LYST: variants seen among roughly 807,000 people sequenced by gnomAD.
LYST encodes lysosomal-trafficking regulator.
Under a neutral mutation model 413.6 loss-of-function variants are expected in LYST, and 192 were observed. The ratio of observed to expected loss-of-function variants is 0.46; its 90% CI spans 0.41 to 0.52. The LOEUF (loss-of-function observed/expected upper bound fraction) is 0.52. Among genes scored for constraint, LYST ranks in the 20% least tolerant of loss-of-function variants. The pLI is 0.00. For missense variants in LYST, 3,815 were observed against 4,499.9 expected, an observed-to-expected ratio of 0.85 and a Z score of 4.35; for synonymous variants, 1,525 against 1,567.3, an observed-to-expected ratio of 0.97 and a Z score of 0.64.
chr1:235,741,029 C>T (rs1023538520), intron 31 of LYST, among the ~76,000 whole-genome samples: 9 of 151,900 alleles, frequency 5.9e-5, no homozygotes, highest in Non-Finnish European at 1.0e-4. Flanking sequence ...TTTAACTGAC[C>T]ACATATATTT....
chr1:235,677,619 G>T lies in LYST; in HGVS notation c.10801C>A (p.Pro3601Thr). 1 of 1,610,820 alleles carries T rather than the reference G, an allele frequency of 6.2e-7. No individual in the cohort carries two copies. The highest frequency in any genetic ancestry group is 8.5e-7 in the Non-Finnish European group (1 of 1,177,394). Residue 3601 changes from proline (P) to threonine (T), a missense_variant and splice_region_variant, in exon 49 of 53, where the codon CCA becomes ACA. Physicochemically the swap from Pro to Thr is conservative, Grantham distance 38. This residue lies in a region of LYST where 866 missense variants were observed against 1,156.0 expected (regional missense o/e 0.75). Transcript: ENST00000389793. The stretch of plus-strand genomic sequence containing the variant: ...TGAGTCTCCATTTCTATTTCTGATG[G>T]CTGAAATTTTAAAATTAAGTATGAG... ...AYTNRFTSST[P>T]SEIEMETQIH... is the part of the protein sequence containing the mutation.
At chr1:235,852,108 G>A (rs1678608653) in intron 1 of LYST, among the ~76,000 whole-genome samples, 1 of 152,146 alleles carries the variant, frequency 6.6e-6, no homozygotes, top group South Asian at 2.1e-4. Context: ...TAGAAGTCAA[G>A]ATGTCATGTA....
intron 7 of LYST, among the ~76,000 whole-genome samples, 181 bp downstream of exon 7, chr1:235,804,323 A>C (rs1672570809): frequency 6.6e-6 from 1 of 152,206 alleles, no homozygotes; most frequent in Non-Finnish European, 1.5e-5. Context: ...AGACAGGGCA[A>C]TGACAAAATA....
chr1:235,762,927 C>A, intron 21 of LYST, 76 bp from the exon 22 acceptor site: 6 of 1,076,782 alleles, frequency 5.6e-6, no homozygotes, highest in Non-Finnish European at 8.5e-6. Flanking sequence ...AAAAGCAGAT[C>A]ATTAAATTCA....
At chr1:235,701,496 C>T (rs113787891) in intron 45 of LYST, among the ~76,000 whole-genome samples, 9 of 151,978 alleles carry the variant, frequency 5.9e-5, no homozygotes, top group Admixed American at 2.0e-4. Context: ...GGTGTGGTGG[C>T]GGGCGCCTGT....
In LYST at chr1:235,804,641, A is replaced by G. The variant is rs552469117; in HGVS notation, c.3418T>C (p.Phe1140Leu). 75 of 1,607,544 alleles carry G rather than the reference A, an allele frequency of 4.7e-5. 1 individual carries two copies. In the South Asian group the frequency reaches 7.9e-4, roughly 17 times the overall value. The change falls in exon 7 of 53, where the codon TTT (phenylalanine) becomes CTT (leucine). Residue 1140 changes from phenylalanine to leucine, a missense_variant. Phe to Leu is a conservative substitution (Grantham distance 22). Coordinates refer to ENST00000389793, the MANE Select transcript of LYST (RefSeq NM_000081.4). Reference protein sequence around the residue: ...NQNLSVESILFEMRDHLSQSK... With the variant: ...NQNLSVESILLEMRDHLSQSK... The stretch of plus-strand genomic sequence containing the variant: ...TGGGAAAGATGGTCCCTCATTTCAA[A>G]TAATATACTTTCCACAGACAAGTTC...
At chr1:235,821,988 T>A (rs1674796290) in intron 3 of LYST, among the ~76,000 whole-genome samples, 1 of 152,194 alleles carries the variant, frequency 6.6e-6, no homozygotes. Flanking sequence ...GAGAGGGCTG[T>A]CTCAAAGGCT....
At chr1:235,868,352 T>C (rs776956627), upstream of LYST, among the ~76,000 whole-genome samples, 6 of 152,282 alleles carry the variant, frequency 3.9e-5, no homozygotes, top group East Asian at 7.7e-4. Flanking sequence ...GCTAGGTGCA[T>C]GGGCCTGAAC....
At chr1:235,821,067 T>C (rs1231008055) in intron 3 of LYST, among the ~76,000 whole-genome samples, 2 of 152,262 alleles carry the variant, frequency 1.3e-5, no homozygotes, top group Admixed American at 6.5e-5. Context: ...ACTACATGTA[T>C]TTAAAACATA....
chr1:235,795,294 G>A (rs148449089), intron 10 of LYST, among the ~76,000 whole-genome samples: 5 of 152,256 alleles, frequency 3.3e-5, no homozygotes, highest in South Asian at 2.1e-4. Context: ...CTAAATAAAC[G>A]AAATGGTCAG....
upstream of LYST, among the ~76,000 whole-genome samples, chr1:235,869,596 AT>A (rs1680841865): frequency 6.6e-6 from 1 of 152,254 alleles, no homozygotes; most frequent in African/African-American, 2.4e-5. Context: ...AGATTGTAAC[AT>A]CCCAGCTTAA....
In LYST at chr1:235,800,868, T is replaced by C; in HGVS notation, c.3939+3A>G. 1 of 1,590,322 alleles carries C rather than the reference T, an allele frequency of 6.3e-7. No homozygotes were observed. Among genetic ancestry groups the C allele is most frequent in the East Asian group, 2.2e-5 (1 of 44,562 alleles). On this transcript the variant is annotated splice_donor_region_variant and intron_variant, in intron 9 of 52. Transcript: ENST00000389793. Reference sequence around the variant, plus strand: ...ATCACATTTAACTAAATGAATTTTTTACCTGTTGCATGAGCAGAAAAACAT... The same window carrying C: ...ATCACATTTAACTAAATGAATTTTTCACCTGTTGCATGAGCAGAAAAACAT...
chr1:235,792,595 G>A (rs1041390146), intron 11 of LYST, among the ~76,000 whole-genome samples: 3 of 149,986 alleles, frequency 2.0e-5, no homozygotes, highest in African/African-American at 7.4e-5. Flanking sequence ...GATTACAGGC[G>A]TGAGTCACCA....
At chr1:235,757,882 TG>T (rs1421538009) in intron 23 of LYST, among the ~76,000 whole-genome samples, 11 of 139,796 alleles carry the variant, frequency 7.9e-5, no homozygotes, top group South Asian at 2.1e-4. Context: ...CTATTGGAAA[TG>T]TTTTTTTTTT....
Position 235,759,554 on chromosome 1 carries a change from A to G in LYST, c.6299T>C (p.Met2100Thr), listed in dbSNP as rs1396074902. The G allele has an allele frequency of 3.2e-5, 51 of 1,613,686 alleles. No homozygotes were observed. Among genetic ancestry groups the G allele is most frequent in the African/African-American group, 4.0e-5 (3 of 74,922 alleles). ...TGCTGGTAGGCTTCTAGAACGCAGC[A>G]TATGGGCGGCCATCTGTTGTGGAAT... ...NIIPQQMAAH[M>T]LRSRSLPAFP... is the part of the protein sequence containing the mutation. Residue 2100 changes from methionine to threonine, a missense_variant, in exon 23 of 53, where the codon ATG becomes ACG. Coordinates refer to ENST00000389793, the MANE Select transcript of LYST (RefSeq NM_000081.4).
At chr1:235,675,609 C>A (rs1210924176) in intron 50 of LYST, among the ~76,000 whole-genome samples, 1 of 152,162 alleles carries the variant, frequency 6.6e-6, no homozygotes, top group Non-Finnish European at 1.5e-5. Flanking sequence ...ACTCCACAAC[C>A]CTGACTCCAG....
In LYST at chr1:235,806,323, C is replaced by A. The variant is rs747587113; in HGVS notation, c.2813G>T (p.Ser938Ile). ...GAGAGATATACATGGCAGCATATGA[C>A]TTAAAGGCTCGCTGGCTGTGCTGTC... ...GYDSTASEPL[S>I]HMLPCISLES... The change falls in exon 6 of 53, where the codon AGT (serine) becomes ATT (isoleucine). Residue 938 changes from serine to isoleucine, a missense_variant. Coordinates refer to ENST00000389793, the MANE Select transcript of LYST (RefSeq NM_000081.4). The A allele has an allele frequency of 3.7e-6, 6 of 1,613,916 alleles. No individual in the cohort carries two copies. The East Asian group carries it at 1.1e-4, about 30-fold the overall frequency.
rs1353179600 is a variant in LYST, at chr1:235,808,930, G to T, written c.1888C>A (p.Pro630Thr). ...TTACAAGCTGCTTTTTTAATTTTTG[G>T]TGATATCTCTGCTCCTCCTAACTGA... Reference protein sequence around the residue: ...LDQLGGAEISPKIKKAACNIC... With the variant: ...LDQLGGAEISTKIKKAACNIC... Residue 630 changes from proline to threonine, a missense_variant, in exon 5 of 53, where the codon CCA (proline) becomes ACA (threonine). Coordinates refer to ENST00000389793, the MANE Select transcript of LYST (RefSeq NM_000081.4). 2 of 1,611,986 alleles carry T rather than the reference G, an allele frequency of 1.2e-6. No individual in the cohort carries two copies. The highest frequency in any genetic ancestry group is 1.7e-6 in the Non-Finnish European group (2 of 1,178,914).
chr1:235,727,644 C>T (rs534258504), intron 38 of LYST, among the ~76,000 whole-genome samples: 6 of 152,030 alleles, frequency 3.9e-5, no homozygotes, highest in Non-Finnish European at 5.9e-5. Context: ...ATCAGTCTGT[C>T]TAGAATAATA....
Sources: gnomAD v4.1 joint callset for allele counts (sites outside exome capture counted in the v4.1 genomes callset) on GRCh38, gnomAD v4.1.1 for gene constraint, gnomAD v4.1.1 regional missense constraint, MANE v1.5 for transcripts, NCBI Gene and HGNC (gene_info 2026-07-23, HGNC 2026-07-21) for gene names.